Variants in SPATS2 observed in about 807,000 individuals in gnomAD.
SPATS2 encodes the protein spermatogenesis associated serine rich 2.
SPATS2 carries 38 observed loss-of-function variants against 63.7 expected under a neutral mutation model. The observed-to-expected ratio is 0.60, with a 90% CI of 0.46 to 0.78. SPATS2 has a LOEUF of 0.78. Among genes scored for constraint, SPATS2 ranks in the 30% least tolerant of loss-of-function variants. The pLI is 0.00. For synonymous variants in SPATS2, 207 were observed against 232.9 expected (o/e 0.89, Z 1.01); for missense variants, 588 against 666.2 (o/e 0.88, Z 1.29).
chr12:49,437,659 T>A (rs1231706144), intron 2 of SPATS2, among the ~76,000 whole-genome samples: 1 of 152,132 alleles, frequency 6.6e-6, no homozygotes, highest in Admixed American at 6.5e-5. Flanking sequence ...AAACCCCGTC[T>A]CCACCAAAAA....
chr12:49,480,894 A>G (rs1396174301), intron 3 of SPATS2, among the ~76,000 whole-genome samples: 1 of 152,116 alleles, frequency 6.6e-6, no homozygotes, highest in Non-Finnish European at 1.5e-5. Flanking sequence ...TATGATCTTC[A>G]GGTTAAATTA....
chr12:49,461,088 C>T (rs1365334624), intron 3 of SPATS2, 51 bp downstream of exon 3: 1 of 1,568,456 alleles, frequency 6.4e-7, no homozygotes, highest in African/African-American at 1.4e-5. Flanking sequence ...ATAATGATCC[C>T]CATTTATAGC....
Position 49,469,948 on chromosome 12 carries a change from T to A in SPATS2, c.25+8911T>A, listed in dbSNP as rs554683253. ...CTCTCTCCCTGAAAAATGTTTGATTTTTCATTCATCTCATTCAAAAAGGTT... is the reference window on the plus strand; with the variant it reads ...CTCTCTCCCTGAAAAATGTTTGATTATTCATTCATCTCATTCAAAAAGGTT... On this transcript the variant is annotated intron_variant, in intron 3 of 13. Transcript: ENST00000552918. Among the ~76,000 whole-genome samples the A allele has an allele frequency of 2.6e-5, 4 of 152,204 alleles. No individual in the cohort carries two copies. The East Asian group carries it at 5.8e-4, about 22-fold the overall frequency.
chr12:49,435,993 A>G (rs960444387), intron 2 of SPATS2, among the ~76,000 whole-genome samples: 2 of 151,158 alleles, frequency 1.3e-5, no homozygotes, highest in South Asian at 2.1e-4. Flanking sequence ...CCAAGGCAGA[A>G]GAATTTTTCT....
At chr12:49,520,727 A>ATT (rs554919186) in intron 11 of SPATS2, among the ~76,000 whole-genome samples, 40 of 143,278 alleles carry the variant, frequency 2.8e-4, no homozygotes, top group South Asian at 1.3e-3. Flanking sequence ...TACCTTTTTA[A>ATT]TTTTTTTTTT....
chr12:49,479,207 A>G (rs913472084), intron 3 of SPATS2, among the ~76,000 whole-genome samples: 2 of 152,168 alleles, frequency 1.3e-5, no homozygotes, highest in African/African-American at 2.4e-5. Context: ...GGGCCTGGAA[A>G]AGGCACCACA....
intron 2 of SPATS2, among the ~76,000 whole-genome samples, chr12:49,374,315 G>A (rs1028788596): frequency 2.0e-5 from 3 of 151,992 alleles, no homozygotes; most frequent in African/African-American, 2.4e-5. Flanking sequence ...TTTTTGTAGA[G>A]ACAGGGTCTT....
rs1565766414 is a variant in SPATS2 at position 49,526,035 on chromosome 12, TG to T, written c.1421del (p.Gly474ValfsTer70). ...ATGAACCAAGGGCGGCATGACAGTA[TG>T]GGTCGTTACAGAAACAGCTCGTGGT... ...DPMNQGRHDS[M>X]GRYRNSSWYS... is the part of the protein sequence containing the mutation. On this transcript the variant is annotated frameshift_variant, in exon 14 of 14. Transcript: ENST00000552918. LOFTEE classifies it high-confidence loss of function. 1 of 1,614,170 alleles carries T rather than the reference TG, an allele frequency of 6.2e-7. No individual in the cohort carries two copies. The highest frequency in any genetic ancestry group is 1.1e-5 in the South Asian group (1 of 91,082).
rs1947032692 is a variant in SPATS2, at chr12:49,526,212, A to G, written c.1595A>G (p.Gln532Arg). Residue 532 changes from glutamine (Q) to arginine (R), a missense_variant, in exon 14 of 14, where the codon CAG (glutamine) becomes CGG (arginine). By Grantham distance (43) the Gln-to-Arg change is conservative (BLOSUM62 1). Coordinates refer to ENST00000552918, the MANE Select transcript of SPATS2 (RefSeq NM_023071.4). ...CCTTCATTCAAAAAGGGGCTCCCCCAGCGCAAACCCAGGACCTCTCAGACT... is the reference window on the plus strand; with the variant it reads ...CCTTCATTCAAAAAGGGGCTCCCCCGGCGCAAACCCAGGACCTCTCAGACT... The part of the protein sequence containing the change: ...PTPSFKKGLP[Q>R]RKPRTSQTEA... 1 of 1,614,186 alleles carries G rather than the reference A, an allele frequency of 6.2e-7. No individual in the cohort carries two copies.
chr12:49,458,846 G>A (rs962584038), intron 2 of SPATS2, among the ~76,000 whole-genome samples: 1 of 151,780 alleles, frequency 6.6e-6, no homozygotes, highest in African/African-American at 2.4e-5. Context: ...TAGAAAAACA[G>A]CATTTGTATC....
chr12:49,497,618 T>A (rs1463004913), intron 8 of SPATS2, among the ~76,000 whole-genome samples: 4 of 152,026 alleles, frequency 2.6e-5, no homozygotes, highest in African/African-American at 4.8e-5. Flanking sequence ...ATGGTCTCGA[T>A]CTCCTGACCT....
chr12:49,482,815 G>A (rs1946228324), intron 3 of SPATS2, among the ~76,000 whole-genome samples: 1 of 151,772 alleles, frequency 6.6e-6, no homozygotes, highest in African/African-American at 2.4e-5. Context: ...TTTGAGACAG[G>A]ATCTCTCTCT....
chr12:49,373,330 A>G (rs763820414), intron 2 of SPATS2, among the ~76,000 whole-genome samples: 2 of 152,026 alleles, frequency 1.3e-5, no homozygotes, highest in Non-Finnish European at 2.9e-5. Context: ...ATCTTGCTTC[A>G]TGATATTATT....
At chr12:49,492,537 A>G (rs1347519997) in intron 6 of SPATS2, among the ~76,000 whole-genome samples, 1 of 152,068 alleles carries the variant, frequency 6.6e-6, no homozygotes, top group Non-Finnish European at 1.5e-5. Context: ...CAGTTTCTTA[A>G]TTTATTAGCC....
chr12:49,431,480 C>G (rs1015940066), intron 2 of SPATS2, among the ~76,000 whole-genome samples: 1 of 152,122 alleles, frequency 6.6e-6, no homozygotes, highest in Admixed American at 6.5e-5. Flanking sequence ...GAACTCCCAA[C>G]CTTGTGATCT....
intron 2 of SPATS2, among the ~76,000 whole-genome samples, chr12:49,373,034 G>A (rs1348330865): frequency 6.7e-6 from 1 of 149,488 alleles, no homozygotes; most frequent in Non-Finnish European, 1.5e-5. Context: ...GTGCAATGGC[G>A]TGATCTCAGC....
At chr12:49,390,938 C>T (rs866634755) in intron 2 of SPATS2, among the ~76,000 whole-genome samples, 10 of 152,260 alleles carry the variant, frequency 6.6e-5, no homozygotes, top group Middle Eastern at 3.4e-3. Context: ...TTTTTCTCTT[C>T]TCTGGCTGAT....
chr12:49,457,591 G>C (rs1945742101), intron 2 of SPATS2, among the ~76,000 whole-genome samples: 1 of 152,034 alleles, frequency 6.6e-6, no homozygotes, highest in African/African-American at 2.4e-5. Context: ...GCACCACCAT[G>C]CCCAGCTAAT....
chr12:49,505,234 T>A (rs1946637366), intron 9 of SPATS2, among the ~76,000 whole-genome samples: 1 of 152,210 alleles, frequency 6.6e-6, no homozygotes, highest in South Asian at 2.1e-4. Flanking sequence ...AATAAAGGAA[T>A]GTGCTAATGT....
Sources: allele counts gnomAD v4.1 joint callset (sites outside exome capture counted in the v4.1 genomes callset), GRCh38; gene constraint gnomAD v4.1.1; transcripts MANE v1.5; gene names NCBI Gene and HGNC (gene_info 2026-07-23, HGNC 2026-07-21).